Variants in TEKT5 observed in about 807,000 individuals in gnomAD.
TEKT5 encodes tektin 5.
A neutral mutation model predicts 48.7 loss-of-function variants in TEKT5; 52 were observed. The ratio of observed to expected loss-of-function variants is 1.07; its 90% CI spans 0.86 to 1.35. The LOEUF is 1.35. TEKT5 is among the 40% of genes most tolerant of loss of function. The pLI is 0.00. For missense variants in TEKT5, 831 were observed against 641.6 expected (o/e 1.30, Z -3.19); for synonymous variants, 318 against 267.6 (o/e 1.19, Z -1.84).
intron 5 of TEKT5, among the ~76,000 whole-genome samples, chr16:10,669,650 A>T (rs1257507185): frequency 6.6e-6 from 1 of 152,174 alleles, no homozygotes; most frequent in Non-Finnish European, 1.5e-5. Context: ...ACAATGTCAG[A>T]ATAAGCACTT....
intron 6 of TEKT5, among the ~76,000 whole-genome samples, chr16:10,633,739 T>G (rs1380571665): frequency 2.6e-5 from 4 of 152,120 alleles, no homozygotes; most frequent in Non-Finnish European, 5.9e-5. Flanking sequence ...AGAGATAGTG[T>G]CTTGCTGTGT....
At chr16:10,680,097 G>T (rs1898720767) in intron 4 of TEKT5, among the ~76,000 whole-genome samples, 1 of 152,206 alleles carries the variant, frequency 6.6e-6, no homozygotes, top group Admixed American at 6.5e-5. Flanking sequence ...AGAGGAATCT[G>T]TTTGGGAAGA....
chr16:10,663,564 A>AGAGAGG (rs1453237493), intron 5 of TEKT5, among the ~76,000 whole-genome samples: 3 of 152,154 alleles, frequency 2.0e-5, no homozygotes, highest in African/African-American at 7.2e-5. Flanking sequence ...AAGGAGAGAG[A>AGAGAGG]GAAAGAGGAG....
chr16:10,654,075 G>A (rs1443618875), intron 5 of TEKT5, among the ~76,000 whole-genome samples: 1 of 152,016 alleles, frequency 6.6e-6, no homozygotes, highest in South Asian at 2.1e-4. Flanking sequence ...TTTTGAGAGA[G>A]GTTCTCACAC....
chr16:10,694,701 A>G lies in TEKT5; in HGVS notation c.173T>C (p.Ile58Thr). The change falls in exon 1 of 7, where the codon ATA becomes ACA. Residue 58 changes from isoleucine to threonine, a missense_variant. Physicochemically the swap from Ile to Thr is moderately conservative, Grantham distance 89. Transcript: ENST00000283025. ...NSWRPSLFYK[I>T]ANVQTCPDES... is the part of the protein sequence containing the mutation. ...GTCCGGGCAGGTCTGGACGTTGGCT[A>G]TCTTGTAGAAGAGGCTAGGCCTCCA... The G allele has an allele frequency of 3.1e-6, 5 of 1,613,800 alleles. No homozygotes were observed. The highest frequency in any genetic ancestry group is 3.4e-6 in the Non-Finnish European group (4 of 1,179,808).
chr16:10,632,711 T>C (rs1242412565), intron 6 of TEKT5, among the ~76,000 whole-genome samples: 1 of 152,050 alleles, frequency 6.6e-6, no homozygotes, highest in Non-Finnish European at 1.5e-5. Context: ...AGGAAAAAGA[T>C]GGCCCAAAGG....
chr16:10,638,150 G>A (rs1897941898), intron 5 of TEKT5, among the ~76,000 whole-genome samples: 1 of 151,870 alleles, frequency 6.6e-6, no homozygotes, highest in African/African-American at 2.4e-5. Flanking sequence ...CTGTGTGTTT[G>A]AAACTTTCCA....
At chr16:10,671,788 G>A (rs529111534) in intron 5 of TEKT5, 1 of 152,232 alleles carries the variant, frequency 6.6e-6, no homozygotes, top group Non-Finnish European at 1.5e-5. Context: ...CATGGCAGCA[G>A]GCAAAAGAGA....
At chr16:10,676,542 G>C (rs916971195) in intron 4 of TEKT5, among the ~76,000 whole-genome samples, 13 of 152,144 alleles carry the variant, frequency 8.5e-5, no homozygotes, top group Non-Finnish European at 1.3e-4. Context: ...CAGTGAGTGG[G>C]TCAAAGAGAG....
intron 6 of TEKT5, among the ~76,000 whole-genome samples, chr16:10,633,416 G>A (rs1897868276): frequency 6.6e-6 from 1 of 152,116 alleles, no homozygotes; most frequent in Non-Finnish European, 1.5e-5. Context: ...ACTTCAGGAG[G>A]TACTGGGGTT....
intron 6 of TEKT5, 56 bp from the exon 7 acceptor site, chr16:10,627,855 T>C: frequency 6.6e-7 from 1 of 1,523,666 alleles, no homozygotes; most frequent in South Asian, 1.2e-5. Flanking sequence ...TATTTGTTTA[T>C]TTTTTGAGAC....
chr16:10,673,660 T>C (rs2142298855), intron 5 of TEKT5, among the ~76,000 whole-genome samples: 1 of 149,540 alleles, frequency 6.7e-6, no homozygotes, highest in Non-Finnish European at 1.5e-5. Flanking sequence ...TTTTTTTTTT[T>C]TTTTTTTTGA....
At chr16:10,681,918 C>T in intron 4 of TEKT5, 75 bp downstream of exon 4, 1 of 1,559,694 alleles carries the variant, frequency 6.4e-7, no homozygotes, top group Non-Finnish European at 8.7e-7. Context: ...GCCCCTTCGC[C>T]ATTCGTTGGC....
At chr16:10,690,211 G>T (rs530471981) in intron 1 of TEKT5, 186 bp from the exon 2 acceptor site, 101 of 611,466 alleles carry the variant, frequency 1.7e-4, no homozygotes, top group Non-Finnish European at 2.6e-4. Flanking sequence ...GAGAGCTGTG[G>T]GTTGTCATAT....
rs1222495956 is a variant in TEKT5, at chr16:10,694,467, C to A, written c.407G>T (p.Gly136Val). 2 of 1,614,076 alleles carry A rather than the reference C, an allele frequency of 1.2e-6. No homozygotes were observed. The highest frequency in any genetic ancestry group is 1.7e-6 in the Non-Finnish European group (2 of 1,179,998). Reference sequence around the variant, plus strand: ...CCTCTGGCCCAGGTTCCGGCAGGTGCCCTCCTGCATCTGGTGCGTCAGCTG... The same window carrying A: ...CCTCTGGCCCAGGTTCCGGCAGGTGACCTCCTGCATCTGGTGCGTCAGCTG... ...KDQLTHQMQE[G>V]TCRNLGQRLS... The change falls in exon 1 of 7, where the codon GGC (glycine) becomes GTC (valine). Residue 136 changes from glycine to valine, a missense_variant. Gly to Val is a moderately radical substitution (Grantham distance 109). Coordinates refer to ENST00000283025, the MANE Select transcript of TEKT5 (RefSeq NM_144674.2).
intron 5 of TEKT5, among the ~76,000 whole-genome samples, chr16:10,660,238 T>C (rs1596409405): frequency 6.6e-6 from 1 of 152,132 alleles, no homozygotes; most frequent in Non-Finnish European, 1.5e-5. Context: ...GTTGCCTGTG[T>C]AATAGAAAAG....
Position 10,694,488 on chromosome 16 carries a change from A to G in TEKT5, c.386T>C (p.Leu129Pro). 1 of 1,613,786 alleles carries G rather than the reference A, an allele frequency of 6.2e-7. No homozygotes were observed. The highest frequency in any genetic ancestry group is 8.5e-7 in the Non-Finnish European group (1 of 1,179,842). The stretch of plus-strand genomic sequence containing the variant: ...GGTGCCCTCCTGCATCTGGTGCGTC[A>G]GCTGGTCCTTGTCCTGCAAGAGCCT... ...SMRLLQDKDQ[L>P]THQMQEGTCR... Residue 129 changes from leucine to proline, a missense_variant, in exon 1 of 7, where the codon CTG (leucine) becomes CCG (proline). Transcript: ENST00000283025.
chr16:10,652,133 G>A (rs537102266), intron 5 of TEKT5, among the ~76,000 whole-genome samples: 2 of 152,282 alleles, frequency 1.3e-5, no homozygotes, highest in South Asian at 2.1e-4. Context: ...GAGGTTTAGT[G>A]AGACAATCCA....
At chr16:10,670,097 A>C (rs1170221087) in intron 5 of TEKT5, among the ~76,000 whole-genome samples, 1 of 151,946 alleles carries the variant, frequency 6.6e-6, no homozygotes, top group African/African-American at 2.4e-5. Context: ...TTGGTCTTAC[A>C]AGGTGGATTC....
Sources: allele counts gnomAD v4.1 joint callset (sites outside exome capture counted in the v4.1 genomes callset), GRCh38; gene constraint gnomAD v4.1.1; transcripts MANE v1.5; gene names NCBI Gene and HGNC (gene_info 2026-07-23, HGNC 2026-07-21).